The following TSPAN16 variants were observed in gnomAD, a reference collection of about 807,000 sequenced individuals.
TSPAN16 encodes the protein tetraspanin-16.
Under a neutral mutation model 25.2 loss-of-function variants are expected in TSPAN16, and 23 were observed. The ratio of observed to expected loss-of-function variants is 0.91; its 90% confidence interval spans 0.66 to 1.29. The LOEUF (loss-of-function observed/expected upper bound fraction) is 1.29, where lower values mean the gene tolerates loss of function less well. Ranked by LOEUF, TSPAN16 falls within the 50% of genes most tolerant of loss-of-function variation. TSPAN16 has a pLI of 0.00. For synonymous variants in TSPAN16, 123 were observed against 124.4 expected (o/e 0.99, Z 0.08); for missense variants, 272 against 299.9 (o/e 0.91, Z 0.69).
chr19:11,304,618 A>G (rs747519643), intron 4 of TSPAN16, among the ~76,000 whole-genome samples: 1 of 151,222 alleles, frequency 6.6e-6, no homozygotes, highest in Non-Finnish European at 1.5e-5. Flanking sequence ...TCCGCCTCCC[A>G]GGTTCATGCC....
intron 4 of TSPAN16, among the ~76,000 whole-genome samples, chr19:11,305,687 C>T (rs1284073318): frequency 6.6e-6 from 1 of 151,948 alleles, no homozygotes; most frequent in East Asian, 1.9e-4. Context: ...GGCAACATAG[C>T]AAGACCCATC....
At chr19:11,319,427 G>A (rs1437200251), downstream of TSPAN16, among the ~76,000 whole-genome samples, 8 of 152,032 alleles carry the variant, frequency 5.3e-5, no homozygotes, top group East Asian at 1.2e-3. Context: ...ATGAAACCCC[G>A]TCTCTACTAA....
chr19:11,313,253 C>T (rs1240828931), intron 6 of TSPAN16, among the ~76,000 whole-genome samples: 1 of 152,126 alleles, frequency 6.6e-6, no homozygotes, highest in Non-Finnish European at 1.5e-5. Flanking sequence ...GTAGCTCATG[C>T]CTGTAATCCC....
intron 6 of TSPAN16, among the ~76,000 whole-genome samples, chr19:11,314,269 T>C (rs1036574919): frequency 2.6e-5 from 4 of 152,194 alleles, no homozygotes; most frequent in Non-Finnish European, 1.5e-5. Context: ...TATATAGTAG[T>C]GATGGTAGCC....
At chr19:11,301,117 C>T in intron 3 of TSPAN16, 84 bp from the exon 4 acceptor site, 2 of 1,155,686 alleles carry the variant, frequency 1.7e-6, no homozygotes, top group South Asian at 1.2e-5. Context: ...CTCCCACCTC[C>T]CACTCTATCC....
downstream of TSPAN16, among the ~76,000 whole-genome samples, chr19:11,317,401 T>A (rs531505705): frequency 6.6e-6 from 1 of 152,278 alleles, no homozygotes; most frequent in South Asian, 2.1e-4. Flanking sequence ...GGGTAACCTC[T>A]AACTCCTGGG....
At chr19:11,302,381 T>C (rs1008651307) in intron 4 of TSPAN16, among the ~76,000 whole-genome samples, 2 of 151,050 alleles carry the variant, frequency 1.3e-5, no homozygotes, top group African/African-American at 2.4e-5. Context: ...ATACAAACAT[T>C]AGCCAGGCAT....
intron 2 of TSPAN16, 80 bp downstream of exon 2, chr19:11,298,419 T>G: frequency 1.4e-6 from 2 of 1,416,014 alleles, no homozygotes; most frequent in Non-Finnish European, 1.9e-6. Flanking sequence ...GCAAACAACT[T>G]TGCTTGGTGT....
At chr19:11,319,939 C>T (rs1339906856), downstream of TSPAN16, among the ~76,000 whole-genome samples, 1 of 152,148 alleles carries the variant, frequency 6.6e-6, no homozygotes, top group Middle Eastern at 3.4e-3. Flanking sequence ...CTCAGCCTCC[C>T]GCGTAGCTGG....
chr19:11,312,302 G>T, intron 6 of TSPAN16, 80 bp downstream of exon 6: 1 of 778,028 alleles, frequency 1.3e-6, no homozygotes, highest in Non-Finnish European at 1.9e-6. Flanking sequence ...TGGTCACTGG[G>T]ACACAGGAGT....
chr19:11,306,152 C>T (rs530708422), intron 4 of TSPAN16, among the ~76,000 whole-genome samples: 1 of 152,268 alleles, frequency 6.6e-6, no homozygotes, highest in East Asian at 1.9e-4. Flanking sequence ...CCTGAAATCC[C>T]AGCTACTCGG....
chr19:11,310,654 A>G (rs2080681115), intron 5 of TSPAN16, among the ~76,000 whole-genome samples: 1 of 152,192 alleles, frequency 6.6e-6, no homozygotes, highest in South Asian at 2.1e-4. Flanking sequence ...AGGAAAGAAG[A>G]GTACCCAAAT....
Position 11,301,455 on chromosome 19 carries a change from C to G in TSPAN16, c.450+147C>G, listed in dbSNP as rs149306127. 4.2e-3 allele frequency: 2,358 copies of G among 565,782 alleles called. 27 individuals are homozygous for G. Among genetic ancestry groups the G allele is most frequent in the African/African-American group, 0.037 (1,945 of 52,480 alleles). 35.0% of individuals were successfully genotyped at this position (565,782 alleles called of 1,614,324 possible). A position where few individuals can be genotyped will look rare whatever the true frequency, so the allele number is the denominator to read the frequency against. On this transcript the variant is annotated intron_variant, in intron 4 of 6. Transcript: ENST00000590327. ...AGGAGTTTGAGACCAGCTGAGCCAA[C>G]ATGGTGAAACCCCGTCTCTACTAAA...
At position 11,326,628 on chromosome 19, in the gene TSPAN16, C is replaced by T. The variant is rs527809511; in HGVS notation, c.688-166C>T. ...TCCATTGCTTTTTTTAAAAGAGAAACGGTCTCTCTCTATTGCCCAGGCCGG... is the reference window on the plus strand; with the variant it reads ...TCCATTGCTTTTTTTAAAAGAGAAATGGTCTCTCTCTATTGCCCAGGCCGG... On this transcript the variant is annotated intron_variant, in intron 6 of 6. Transcript: ENST00000316737. Among the ~76,000 whole-genome samples, 68 of 152,270 alleles carry T rather than the reference C, an allele frequency of 4.5e-4. 1 individual carries two copies. The South Asian group carries it at 0.013, about 28-fold the overall frequency.
chr19:11,320,693 GAAAAGA>G (rs1292652082), downstream of TSPAN16, among the ~76,000 whole-genome samples: 3 of 150,754 alleles, frequency 2.0e-5, no homozygotes, highest in Non-Finnish European at 3.0e-5. Flanking sequence ...AAAAAGAAAA[GAAAAGA>G]AAAAGAAAAA....
chr19:11,300,094 T>C lies in TSPAN16; in HGVS notation c.343-1107T>C, dbSNP rs182685610. ...AATACATCGACACAGTGGAATCCTG[T>C]ACATCAGGTACAGGGAAGGAGGCGG... On this transcript the variant is annotated intron_variant, in intron 3 of 6. Coordinates refer to ENST00000590327, the MANE Select transcript of TSPAN16 (RefSeq NM_001282509.2). 1.1e-4 allele frequency among the ~76,000 whole-genome samples: 17 copies of C among 152,098 alleles called. No individual in the cohort carries two copies. The East Asian group carries it at 3.1e-3, about 28-fold the overall frequency.
chr19:11,298,729 G>A (rs934706596), intron 2 of TSPAN16, 143 bp from the exon 3 acceptor site: 9 of 759,440 alleles, frequency 1.2e-5, no homozygotes, highest in South Asian at 3.0e-5. Flanking sequence ...CACTGCTCCC[G>A]GTCGAATTGT....
At chr19:11,312,748 G>A (rs913258838) in intron 6 of TSPAN16, among the ~76,000 whole-genome samples, 2 of 152,116 alleles carry the variant, frequency 1.3e-5, no homozygotes, top group Admixed American at 1.3e-4. Flanking sequence ...GAGTGACAGA[G>A]TGAGATCATG....
chr19:11,297,722 C>T (rs2080494573), intron 1 of TSPAN16, among the ~76,000 whole-genome samples: 1 of 152,146 alleles, frequency 6.6e-6, no homozygotes, highest in Non-Finnish European at 1.5e-5. Context: ...GTCTCGAACT[C>T]CTGACCTCAG....
Sources: allele counts gnomAD v4.1 joint callset (sites outside exome capture counted in the v4.1 genomes callset), GRCh38; gene constraint gnomAD v4.1.1; transcripts MANE v1.5; gene names NCBI Gene and HGNC (gene_info 2026-07-23, HGNC 2026-07-21).